SUMF1: variants seen among roughly 807,000 people sequenced by gnomAD.
SUMF1 encodes formylglycine-generating enzyme.
In SUMF1, 48 loss-of-function variants were observed where a neutral mutation model predicts 47.6. The observed-to-expected ratio is 1.01, with a 90% CI of 0.80 to 1.28. SUMF1 has a LOEUF of 1.28. SUMF1 is among the 50% of genes most tolerant of loss of function. The pLI is 0.00. For synonymous variants in SUMF1, 230 were observed against 192.1 expected, an observed-to-expected ratio of 1.20 and a Z score of -1.63; for missense variants, 571 against 485.4, an observed-to-expected ratio of 1.18 and a Z score of -1.66.
chr3:4,467,212 G>A lies in SUMF1; in HGVS notation c.34C>T (p.Arg12Cys). The A allele has an allele frequency of 1.2e-6, 2 of 1,611,792 alleles. No individual in the cohort carries two copies. Among genetic ancestry groups the A allele is most frequent in the Non-Finnish European group, 1.7e-6 (2 of 1,179,350 alleles). ...AAPALGLVCG[R>C]CPELGLVLLL... is the part of the protein sequence containing the mutation. ...AGGACGAGACCCAGCTCAGGGCAAC[G>A]TCCACACACCAGCCCTAGTGCGGGC... The change falls in exon 1 of 9, where the codon CGT (arginine) becomes TGT (cysteine). Residue 12 changes from arginine to cysteine, a missense_variant. Coordinates refer to ENST00000272902, the MANE Select transcript of SUMF1 (RefSeq NM_182760.4).
chr3:4,151,415 ATATATGTG>A (rs1559514064), intron 8 of SUMF1, among the ~76,000 whole-genome samples: 1 of 102,996 alleles, frequency 9.7e-6, no homozygotes, highest in Non-Finnish European at 2.2e-5. Flanking sequence ...GTATATATGT[ATATATGTG>A]TATACATGTG....
Position 4,222,499 on chromosome 3 carries a change from C to T in SUMF1, c.1015-153754G>A, listed in dbSNP as rs946498883. Among the ~76,000 whole-genome samples the T allele has an allele frequency of 2.6e-5, 4 of 152,098 alleles. No homozygotes were observed. The Middle Eastern group carries it at 0.01, about 388-fold the overall frequency. On this transcript the variant is annotated intron_variant and NMD_transcript_variant, in intron 8 of 12. Transcript: ENST00000448413. ...GTGTCTCCATTCAATCGCTGGTACC[C>T]TCAAATCCAACCTGGATGTACCAGT...
intron 8 of SUMF1, among the ~76,000 whole-genome samples, chr3:4,186,472 G>T (rs1379507711): frequency 6.6e-6 from 1 of 152,078 alleles, no homozygotes; most frequent in Non-Finnish European, 1.5e-5. Context: ...AATATATGTT[G>T]CTTGGTAAGA....
intron 3 of SUMF1, among the ~76,000 whole-genome samples, chr3:4,437,500 G>A (rs1702440028): frequency 6.6e-6 from 1 of 152,098 alleles, no homozygotes; most frequent in South Asian, 2.1e-4. Context: ...GAATAAGATG[G>A]TAGAATTAAA....
chr3:4,246,157 C>T (rs983036895), intron 8 of SUMF1, among the ~76,000 whole-genome samples: 1 of 152,180 alleles, frequency 6.6e-6, no homozygotes. Context: ...CCCCCAGTTA[C>T]AGTCACTCAT....
rs558181638 is a variant in SUMF1, at chr3:4,253,943, G to T, written c.1014+122387C>A. ...GAACTGGCAGACTGCCTCCTCAAGT[G>T]GGTCCCTGACCCCTGACCCCCGAGC... On this transcript the variant is annotated intron_variant and NMD_transcript_variant, in intron 8 of 12. Transcript: ENST00000448413. Among the ~76,000 whole-genome samples, 214 of 150,598 alleles carry T rather than the reference G, an allele frequency of 1.4e-3. 2 individuals carry two copies. Among genetic ancestry groups the T allele is most frequent in the African/African-American group, 4.1e-3 (167 of 40,790 alleles).
chr3:4,230,490 A>G (rs1362834120), intron 8 of SUMF1, among the ~76,000 whole-genome samples: 1 of 152,152 alleles, frequency 6.6e-6, no homozygotes, highest in African/African-American at 2.4e-5. Context: ...GATACAACTC[A>G]GGAAAGCCAG....
At chr3:4,073,003 C>T (rs865831504) in intron 8 of SUMF1, among the ~76,000 whole-genome samples, 8 of 152,068 alleles carry the variant, frequency 5.3e-5, no homozygotes, top group Admixed American at 4.6e-4. Flanking sequence ...AGATATTCCT[C>T]GAGAAGAGCA....
At chr3:4,147,239 T>C (rs982224501) in intron 8 of SUMF1, among the ~76,000 whole-genome samples, 1 of 152,098 alleles carries the variant, frequency 6.6e-6, no homozygotes, top group African/African-American at 2.4e-5. Context: ...AGTTCAACCA[T>C]TGTGGAAGTC....
At chr3:4,368,184 A>C (rs1700043992) in intron 8 of SUMF1, among the ~76,000 whole-genome samples, 2 of 152,380 alleles carry the variant, frequency 1.3e-5, no homozygotes, top group African/African-American at 4.8e-5. Flanking sequence ...AAGGACATGA[A>C]CAGACACTTC....
chr3:4,165,997 A>G (rs1694698517), intron 8 of SUMF1, among the ~76,000 whole-genome samples: 2 of 152,024 alleles, frequency 1.3e-5, no homozygotes, highest in South Asian at 4.2e-4. Flanking sequence ...GCTGATCAGA[A>G]TAGTTGAGCT....
intron 8 of SUMF1, among the ~76,000 whole-genome samples, chr3:4,345,188 T>C (rs308716): frequency 0.78 from 118,624 of 152,062 alleles, 46,799 homozygotes; most frequent in African/African-American, 0.9. Context: ...CAGAGAACAC[T>C]ATTAAGATAC....
At chr3:4,121,793 T>G (rs1693550494) in intron 8 of SUMF1, among the ~76,000 whole-genome samples, 1 of 152,084 alleles carries the variant, frequency 6.6e-6, no homozygotes, top group South Asian at 2.1e-4. Flanking sequence ...ATGAGGGTTA[T>G]GTACAGATTA....
intron 8 of SUMF1, among the ~76,000 whole-genome samples, chr3:4,352,181 G>T (rs573123984): frequency 6.6e-6 from 1 of 152,202 alleles, no homozygotes; most frequent in South Asian, 2.1e-4. Flanking sequence ...TAGAGAGAAC[G>T]GAAGTCACAA....
At chr3:4,198,122 C>T (rs1695468647) in intron 8 of SUMF1, among the ~76,000 whole-genome samples, 1 of 143,694 alleles carries the variant, frequency 7.0e-6, no homozygotes, top group African/African-American at 2.6e-5. Flanking sequence ...GCAATATTTT[C>T]TCTATATTAC....
chr3:4,268,426 A>G (rs1455589042), intron 8 of SUMF1, among the ~76,000 whole-genome samples: 2 of 152,172 alleles, frequency 1.3e-5, no homozygotes, highest in Non-Finnish European at 2.9e-5. Context: ...TAAAACTTAA[A>G]GTATAATAAA....
chr3:4,291,148 T>C (rs1320857113), intron 8 of SUMF1, among the ~76,000 whole-genome samples: 3 of 152,092 alleles, frequency 2.0e-5, no homozygotes, highest in South Asian at 2.1e-4. Flanking sequence ...GATAACTCTA[T>C]CATGGTGCAC....
At chr3:4,153,940 G>T (rs79384740) in intron 8 of SUMF1, among the ~76,000 whole-genome samples, 3,197 of 151,588 alleles carry the variant, frequency 0.021, 246 homozygotes, top group African/African-American at 0.073. Flanking sequence ...CCCGCCTAAG[G>T]CATCAGATCT....
At chr3:4,442,576 C>T (rs969005888) in intron 3 of SUMF1, among the ~76,000 whole-genome samples, 2 of 132,588 alleles carry the variant, frequency 1.5e-5, no homozygotes, top group African/African-American at 5.4e-5. Context: ...GAGCCTCACA[C>T]CAAGGAGAAA....
Sources: gnomAD v4.1 joint callset for allele counts (sites outside exome capture counted in the v4.1 genomes callset) on GRCh38, gnomAD v4.1.1 for gene constraint, MANE v1.5 for transcripts, NCBI Gene and HGNC (gene_info 2026-07-23, HGNC 2026-07-21) for gene names.